Variants in SPANXN2 observed in about 807,000 individuals in gnomAD.
SPANXN2 encodes SPANX family member N2, also known as sperm protein associated with the nucleus on the X chromosome N2.
In SPANXN2, 1 loss-of-function variant was observed where a neutral mutation model predicts 2.0. The ratio of observed to expected loss-of-function variants is 0.50; its 90% CI spans 0.18 to 2.36. The LOEUF (loss-of-function observed/expected upper bound fraction) is 2.36. Among genes scored for constraint, SPANXN2 ranks in the 30% most tolerant of loss-of-function variants. The pLI is 0.26. For synonymous variants in SPANXN2, 43 were observed against 49.8 expected, an observed-to-expected ratio of 0.86 and a Z score of 0.58; for missense variants, 88 against 116.7, an observed-to-expected ratio of 0.75 and a Z score of 1.13.
In SPANXN2 at chrX:143,718,471, C is replaced by T. The variant is rs191415690; in HGVS notation, c.78+2120G>A. 3.0e-3 allele frequency among the ~76,000 whole-genome samples: 329 copies of T among 111,513 alleles called. 2 individuals are homozygous for T. The highest frequency in any genetic ancestry group is 0.016 in the South Asian group (43 of 2,637). Reference sequence around the variant, plus strand: ...TCTCCAACCTAAGTGGAGGAATTCTCACCAGGTGATGCTAACTACTCCCAC... The same window carrying T: ...TCTCCAACCTAAGTGGAGGAATTCTTACCAGGTGATGCTAACTACTCCCAC... On this transcript the variant is annotated intron_variant, in intron 1 of 1. Transcript: ENST00000598475.
intron 1 of SPANXN2, among the ~76,000 whole-genome samples, chrX:143,713,977 C>T (rs1556449065): frequency 2.8e-5 from 3 of 107,296 alleles, no homozygotes; most frequent in Admixed American, 1.0e-4. Context: ...GAGAAACCCC[C>T]CAAAATGCCT....
intron 1 of SPANXN2, among the ~76,000 whole-genome samples, chrX:143,717,984 C>A (rs1556450168): frequency 8.9e-6 from 1 of 111,964 alleles, no homozygotes; most frequent in Non-Finnish European, 1.9e-5. Flanking sequence ...TTAAACTCCC[C>A]TCTTGCATCC....
chrX:143,717,388 G>A (rs782468032), intron 1 of SPANXN2, among the ~76,000 whole-genome samples: 1 of 111,603 alleles, frequency 9.0e-6, no homozygotes, highest in African/African-American at 3.3e-5. Context: ...AAGGGACACC[G>A]AAAGGCTACA....
intron 1 of SPANXN2, among the ~76,000 whole-genome samples, chrX:143,714,812 A>G (rs1162206727): frequency 8.9e-6 from 1 of 111,916 alleles, no homozygotes; most frequent in Non-Finnish European, 1.9e-5. Context: ...GGCCTTCAAG[A>G]TCTATAAGAT....
At chrX:143,716,099 A>G (rs1932257972) in intron 1 of SPANXN2, among the ~76,000 whole-genome samples, 1 of 110,045 alleles carries the variant, frequency 9.1e-6, no homozygotes, top group African/African-American at 3.3e-5. Flanking sequence ...ACCTAGCTGA[A>G]CTTCCCCTTG....
At chrX:143,712,766 C>A (rs781801653) in intron 1 of SPANXN2, among the ~76,000 whole-genome samples, 6 of 111,567 alleles carry the variant, frequency 5.4e-5, no homozygotes, top group Non-Finnish European at 9.4e-5. Flanking sequence ...TCCATGGGGG[C>A]TCAGGCCGTG....
intron 1 of SPANXN2, among the ~76,000 whole-genome samples, chrX:143,716,992 C>G (rs1369183711): frequency 8.9e-6 from 1 of 112,266 alleles, no homozygotes; most frequent in Non-Finnish European, 1.9e-5. Flanking sequence ...CTCTCCTCCC[C>G]CTTCCAACAC....
chrX:143,718,485 A>G (rs782620761), intron 1 of SPANXN2, among the ~76,000 whole-genome samples: 3 of 111,167 alleles, frequency 2.7e-5, no homozygotes, highest in Non-Finnish European at 3.8e-5. Flanking sequence ...AGGTGATGCT[A>G]ACTACTCCCA....
intron 1 of SPANXN2, among the ~76,000 whole-genome samples, chrX:143,718,542 C>T (rs1489979309): frequency 9.0e-6 from 1 of 111,702 alleles, no homozygotes; most frequent in East Asian, 2.8e-4. Context: ...ACATTTCAAA[C>T]TAAAAAGAGC....
chrX:143,720,026 AC>A (rs1405745653), intron 1 of SPANXN2, among the ~76,000 whole-genome samples: 2 of 110,599 alleles, frequency 1.8e-5, no homozygotes, highest in Non-Finnish European at 3.8e-5. Context: ...GAAGTCCGTC[AC>A]CCCCTGCTTC....
intron 1 of SPANXN2, among the ~76,000 whole-genome samples, chrX:143,718,793 T>A (rs782284332): frequency 1.8e-5 from 2 of 111,380 alleles, no homozygotes; most frequent in African/African-American, 6.6e-5. Context: ...CAAGGAGATA[T>A]GACTTCAGGG....
intron 1 of SPANXN2, among the ~76,000 whole-genome samples, chrX:143,717,939 C>T (rs782411577): frequency 5.4e-5 from 6 of 111,760 alleles, no homozygotes; most frequent in South Asian, 3.8e-4. Context: ...CACACACCAT[C>T]GCTTCTATTC....
At chrX:143,714,826 A>G (rs1188841621) in intron 1 of SPANXN2, among the ~76,000 whole-genome samples, 3 of 111,999 alleles carry the variant, frequency 2.7e-5, no homozygotes, top group African/African-American at 9.8e-5. Flanking sequence ...ATAAGATTAG[A>G]GAGGAAGAAC....
intron 1 of SPANXN2, among the ~76,000 whole-genome samples, chrX:143,717,094 G>T (rs1184046085): frequency 4.5e-5 from 5 of 112,170 alleles, no homozygotes; most frequent in African/African-American, 1.6e-4. Context: ...TATTCCATCA[G>T]TGCTGAAGAT....
intron 1 of SPANXN2, among the ~76,000 whole-genome samples, chrX:143,713,398 A>T (rs1287136278): frequency 1.8e-5 from 2 of 111,710 alleles, no homozygotes; most frequent in African/African-American, 6.5e-5. Flanking sequence ...ATTTCTGGAC[A>T]TCACATCCAA....
intron 1 of SPANXN2, among the ~76,000 whole-genome samples, chrX:143,715,125 G>A (rs1254043530): frequency 1.8e-5 from 2 of 111,398 alleles, no homozygotes; most frequent in Non-Finnish European, 3.8e-5. Flanking sequence ...GTGGGGCCTG[G>A]AGTCCACCGC....
At chrX:143,717,861 A>G (rs180978606) in intron 1 of SPANXN2, among the ~76,000 whole-genome samples, 2 of 111,843 alleles carry the variant, frequency 1.8e-5, no homozygotes, top group East Asian at 5.7e-4. Flanking sequence ...AGTGATTCCT[A>G]TACATTCTAA....
intron 1 of SPANXN2, among the ~76,000 whole-genome samples, chrX:143,714,981 A>G (rs73637120): frequency 3.0e-3 from 332 of 111,775 alleles, no homozygotes; most frequent in African/African-American, 0.01. Context: ...TAACAGGGAC[A>G]CTGGGCAAAA....
At chrX:143,719,723 C>T (rs186359006) in intron 1 of SPANXN2, among the ~76,000 whole-genome samples, 8 of 111,085 alleles carry the variant, frequency 7.2e-5, no homozygotes, top group African/African-American at 2.6e-4. Flanking sequence ...CCTTTAGTAG[C>T]TTCTGTCTCA....
Sources: gnomAD v4.1 joint callset for allele counts (sites outside exome capture counted in the v4.1 genomes callset) on GRCh38, gnomAD v4.1.1 for gene constraint, MANE v1.5 for transcripts, NCBI Gene and HGNC (gene_info 2026-07-23, HGNC 2026-07-21) for gene names.